CNTN6: variants seen among roughly 807,000 people sequenced by gnomAD.
CNTN6 encodes the protein contactin 6.
In CNTN6, 137 loss-of-function variants were observed where a neutral mutation model predicts 122.8. That is an observed-to-expected ratio of 1.12 (90% CI 0.97 to 1.29). The LOEUF (loss-of-function observed/expected upper bound fraction) is 1.29. Ranked by LOEUF, CNTN6 falls within the 50% of genes most tolerant of loss-of-function variation. CNTN6 has a pLI of 0.00. For synonymous variants in CNTN6, 570 were observed against 426.0 expected, an observed-to-expected ratio of 1.34 and a Z score of -4.16; for missense variants, 1,634 against 1,223.4, an observed-to-expected ratio of 1.34 and a Z score of -5.01.
At chr3:1,377,784 C>T (rs1184230921) in intron 17 of CNTN6, among the ~76,000 whole-genome samples, 3 of 152,138 alleles carry the variant, frequency 2.0e-5, no homozygotes, top group African/African-American at 7.2e-5. Flanking sequence ...CCTCTGGATT[C>T]TCCAGAGCTG....
intron 2 of CNTN6, among the ~76,000 whole-genome samples, chr3:1,191,675 G>A (rs1484918319): frequency 6.6e-6 from 1 of 152,176 alleles, no homozygotes; most frequent in Non-Finnish European, 1.5e-5. Flanking sequence ...GAGCAGAAGT[G>A]TGGACACCCT....
chr3:1,357,883 A>C (rs1706836348), intron 12 of CNTN6, among the ~76,000 whole-genome samples: 1 of 148,364 alleles, frequency 6.7e-6, no homozygotes. Flanking sequence ...CATTTATGTA[A>C]AATTTACATA....
rs148580058 is a variant in CNTN6, at chr3:1,149,708, A to G, written c.55+1645A>G. Reference sequence around the variant, plus strand: ...ATTCTTTTTTTGGTAATAGATTAAGAAAAGACAGAGAAAACTCATCAAGGT... The same window carrying G: ...ATTCTTTTTTTGGTAATAGATTAAGGAAAGACAGAGAAAACTCATCAAGGT... On this transcript the variant is annotated intron_variant, in intron 2 of 22. Transcript: ENST00000446702. 6.5e-3 allele frequency among the ~76,000 whole-genome samples: 986 copies of G among 152,260 alleles called. 10 individuals are homozygous for G. Among genetic ancestry groups the G allele is most frequent in the African/African-American group, 0.023 (937 of 41,562 alleles).
At chr3:1,387,554 G>C (rs1357468897) in intron 20 of CNTN6, among the ~76,000 whole-genome samples, 1 of 152,174 alleles carries the variant, frequency 6.6e-6, no homozygotes, top group Non-Finnish European at 1.5e-5. Flanking sequence ...AGAAACTCTT[G>C]TGTGTAGGGG....
chr3:1,245,988 C>T (rs1559600339), intron 4 of CNTN6, among the ~76,000 whole-genome samples: 1 of 152,088 alleles, frequency 6.6e-6, no homozygotes, highest in African/African-American at 2.4e-5. Context: ...ACATTCAAAG[C>T]CATCCTGGGT....
chr3:1,220,769 C>T lies in CNTN6; in HGVS notation c.138C>T (p.Val46=), dbSNP rs2094196989. The T allele has an allele frequency of 1.9e-6, 3 of 1,612,556 alleles. No homozygotes were observed. Among genetic ancestry groups the T allele is most frequent in the South Asian group, 1.1e-5 (1 of 90,918 alleles). Residue 46 remains valine, a synonymous_variant, in exon 3 of 23, where the codon GTC becomes GTT. Coordinates refer to ENST00000446702, the MANE Select transcript of CNTN6 (RefSeq NM_001289080.2). The part of the protein sequence containing the change: ...IFPLDLSKSE[V]ILNCAANGYP... ...CTTTGGATTTATCAAAATCTGAGGT[C>T]ATCCTGAATTGTGCTGCTAATGGTT...
At chr3:1,197,663 A>G (rs2093797291) in intron 2 of CNTN6, among the ~76,000 whole-genome samples, 1 of 152,204 alleles carries the variant, frequency 6.6e-6, no homozygotes, top group Non-Finnish European at 1.5e-5. Context: ...CGTAGTGATA[A>G]GGGGTGAGGG....
Position 1,227,874 on chromosome 3 carries a change from A to C in CNTN6, c.239A>C (p.Asp80Ala), listed in dbSNP as rs1157233032. ...ACTATGAGTTATCACTACAGGTTGG[A>C]TGGAGGCAGTCTTGCAATCAATAGC... is the stretch of plus-strand genomic sequence containing the variant. ...DFTMSYHYRL[D>A]GGSLAINSPH... is the part of the protein sequence containing the mutation. The change falls in exon 4 of 23, where the codon GAT (aspartate) becomes GCT (alanine). Residue 80 changes from aspartate to alanine, a missense_variant. By Grantham distance (126) the Asp-to-Ala change is moderately radical (BLOSUM62 -2). Coordinates refer to ENST00000446702, the MANE Select transcript of CNTN6 (RefSeq NM_001289080.2). 1.2e-6 allele frequency: 2 copies of C among 1,613,872 alleles called. No individual in the cohort carries two copies. The highest frequency in any genetic ancestry group is 1.7e-6 in the Non-Finnish European group (2 of 1,180,006).
chr3:1,301,398 T>G (rs1308191939), intron 7 of CNTN6, among the ~76,000 whole-genome samples: 1 of 152,146 alleles, frequency 6.6e-6, no homozygotes, highest in African/African-American at 2.4e-5. Flanking sequence ...GTTGGAAAAT[T>G]AATAGTTTAA....
intron 21 of CNTN6, among the ~76,000 whole-genome samples, 190 bp from the exon 22 acceptor site, chr3:1,402,127 CA>C (rs59599960): frequency 0.23 from 32,978 of 141,086 alleles, 3,795 homozygotes; most frequent in Non-Finnish European, 0.25. Flanking sequence ...AGGCATTGGC[CA>C]AAAAAAAAAA....
chr3:1,329,960 A>C, intron 11 of CNTN6, 25 bp downstream of exon 11: 1 of 1,495,136 alleles, frequency 6.7e-7, no homozygotes. Context: ...ATTTTTAAAA[A>C]TATTTTTGTT....
At chr3:1,335,927 T>C (rs750687888) in intron 11 of CNTN6, among the ~76,000 whole-genome samples, 2 of 151,836 alleles carry the variant, frequency 1.3e-5, no homozygotes, top group Non-Finnish European at 2.9e-5. Flanking sequence ...TGCCAGCTAA[T>C]GGATGGGGGT....
intron 4 of CNTN6, among the ~76,000 whole-genome samples, chr3:1,274,746 C>G (rs1279803118): frequency 6.6e-6 from 1 of 152,110 alleles, no homozygotes; most frequent in African/African-American, 2.4e-5. Context: ...TGTATCTGAA[C>G]TTTGTATCAG....
intron 4 of CNTN6, 41 bp from the exon 5 acceptor site, chr3:1,278,371 CA>C: frequency 7.7e-7 from 1 of 1,293,218 alleles, no homozygotes; most frequent in African/African-American, 1.5e-5. Context: ...ATTTATTCTG[CA>C]AAGTAACTAA....
Position 1,160,572 on chromosome 3 carries a change from A to G in CNTN6, c.55+12509A>G, listed in dbSNP as rs191543042. ...CTCATGATGGACCTTGGTGTTTTTA[A>G]AAGGACCTAAGTGCTTTTAAAAGCT... On this transcript the variant is annotated intron_variant, in intron 2 of 22. Transcript: ENST00000446702. Among the ~76,000 whole-genome samples the G allele has an allele frequency of 1.6e-3, 249 of 151,234 alleles. 1 individual carries two copies. The highest frequency in any genetic ancestry group is 5.3e-3 in the African/African-American group (220 of 41,234).
At chr3:1,280,114 G>A (rs932163499) in intron 5 of CNTN6, among the ~76,000 whole-genome samples, 2 of 152,098 alleles carry the variant, frequency 1.3e-5, no homozygotes, top group Admixed American at 6.6e-5. Flanking sequence ...ATGCTCTTAC[G>A]ATGTTATTCA....
chr3:1,178,965 A>G (rs2093504057), intron 2 of CNTN6, among the ~76,000 whole-genome samples: 1 of 152,096 alleles, frequency 6.6e-6, no homozygotes, highest in South Asian at 2.1e-4. Context: ...AGGCTGTGCA[A>G]TTTATAAAGA....
intron 2 of CNTN6, among the ~76,000 whole-genome samples, chr3:1,179,570 C>T (rs1222440874): frequency 1.3e-5 from 2 of 152,080 alleles, no homozygotes; most frequent in Non-Finnish European, 2.9e-5. Context: ...ATTTTTAATG[C>T]TTCTTATCTC....
intron 2 of CNTN6, among the ~76,000 whole-genome samples, chr3:1,170,034 A>G (rs1322902367): frequency 6.6e-6 from 1 of 152,024 alleles, no homozygotes; most frequent in Non-Finnish European, 1.5e-5. Flanking sequence ...CAGGAGTTCA[A>G]GACCAGCCTG....
Sources: gnomAD v4.1 joint callset for allele counts (sites outside exome capture counted in the v4.1 genomes callset) on GRCh38, gnomAD v4.1.1 for gene constraint, MANE v1.5 for transcripts, NCBI Gene and HGNC (gene_info 2026-07-23, HGNC 2026-07-21) for gene names.